NLN: variants seen among roughly 807,000 people sequenced by gnomAD.
The protein encoded by NLN is neurolysin, mitochondrial.
Under a neutral mutation model 79.9 loss-of-function variants are expected in NLN, and 64 were observed. The ratio of observed to expected loss-of-function variants is 0.80; its 90% confidence interval spans 0.65 to 0.99. The LOEUF (loss-of-function observed/expected upper bound fraction) is 0.99, where lower values mean the gene tolerates loss of function less well. NLN is among the 50% of genes least tolerant of loss of function. The pLI is 0.00. For synonymous variants in NLN, 267 were observed against 296.6 expected (o/e 0.90, Z 1.02); for missense variants, 835 against 858.7 (o/e 0.97, Z 0.34).
intron 1 of NLN, among the ~76,000 whole-genome samples, chr5:65,738,135 G>T: frequency 8.0e-6 from 1 of 124,646 alleles, no homozygotes; most frequent in East Asian, 2.8e-4. Flanking sequence ...TCTCACAAAA[G>T]AAAAAAAAAA....
At chr5:65,812,105 A>T (rs568326714) in intron 11 of NLN, 150 bp from the exon 12 acceptor site, 41 of 664,332 alleles carry the variant, frequency 6.2e-5, no homozygotes, top group Non-Finnish European at 9.6e-5. Flanking sequence ...GGCCAAGAGG[A>T]CACATCAGCC....
intron 1 of NLN, chr5:65,722,796 T>A (rs1177421930): frequency 9.7e-6 from 2 of 206,010 alleles, no homozygotes; most frequent in Non-Finnish European, 2.0e-5. Flanking sequence ...TCAGAACAAT[T>A]GTGTTTGCTC....
chr5:65,724,297 T>TC (rs1462351750), intron 1 of NLN, among the ~76,000 whole-genome samples: 1 of 152,178 alleles, frequency 6.6e-6, no homozygotes, highest in Non-Finnish European at 1.5e-5. Flanking sequence ...CATTATTTTT[T>TC]CTCTATGAAT....
intron 7 of NLN, among the ~76,000 whole-genome samples, chr5:65,787,460 G>A (rs969760693): frequency 3.3e-5 from 5 of 152,088 alleles, no homozygotes; most frequent in Non-Finnish European, 5.9e-5. Flanking sequence ...GCAGAGCCAG[G>A]CATGTTTTTA....
At chr5:65,815,031 A>C (rs1009830276) in intron 12 of NLN, among the ~76,000 whole-genome samples, 1 of 152,156 alleles carries the variant, frequency 6.6e-6, no homozygotes, top group African/African-American at 2.4e-5. Context: ...TACATAGTAC[A>C]TAGATTATTT....
chr5:65,759,812 T>C (rs1011996152), intron 2 of NLN, among the ~76,000 whole-genome samples: 7 of 152,222 alleles, frequency 4.6e-5, no homozygotes, highest in Non-Finnish European at 8.8e-5. Flanking sequence ...GAATGTTTAA[T>C]ATATCAGGTG....
intron 7 of NLN, 132 bp from the exon 8 acceptor site, chr5:65,787,986 A>G (rs1446994768): frequency 4.1e-5 from 34 of 837,590 alleles, no homozygotes; most frequent in Non-Finnish European, 4.3e-5. Context: ...CTCCTCCTTT[A>G]CCTCTTTCCG....
intron 1 of NLN, among the ~76,000 whole-genome samples, chr5:65,741,578 C>G (rs1012850250): frequency 1.3e-5 from 2 of 152,238 alleles, no homozygotes; most frequent in South Asian, 4.2e-4. Flanking sequence ...AGAGGAGAGT[C>G]TCTCTCCTGA....
intron 1 of NLN, among the ~76,000 whole-genome samples, chr5:65,731,771 G>C (rs1231283524): frequency 1.6e-5 from 1 of 63,420 alleles, no homozygotes; most frequent in Non-Finnish European, 3.1e-5. Context: ...TTTTTTTTCA[G>C]ACAGAGTCTA....
At position 65,823,802 on chromosome 5, in the gene NLN, A is replaced by G. The variant is rs914839729; in HGVS notation, c.*887A>G. ...CCACGTCCCCAAAAGTGTCAGGTAG[A>G]CATGTCACAAATGGCTCTGTAGAGA... On this transcript the variant is annotated 3_prime_UTR_variant, in exon 13 of 13. Coordinates refer to ENST00000380985, the MANE Select transcript of NLN (RefSeq NM_020726.5). 1 of 152,298 alleles carries G rather than the reference A, an allele frequency of 6.6e-6. No homozygotes were observed. The highest frequency in any genetic ancestry group is 1.5e-5 in the Non-Finnish European group (1 of 68,026). 9.4% of individuals were successfully genotyped at this position (152,298 alleles called of 1,614,324 possible). A position where few individuals can be genotyped will look rare whatever the true frequency, so the allele number is the denominator to read the frequency against.
At chr5:65,761,072 G>C (rs1293491750) in intron 2 of NLN, among the ~76,000 whole-genome samples, 1 of 152,100 alleles carries the variant, frequency 6.6e-6, no homozygotes, top group Non-Finnish European at 1.5e-5. Context: ...TCTAGTGTCA[G>C]GCACTGGGCG....
intron 1 of NLN, among the ~76,000 whole-genome samples, chr5:65,725,502 A>G (rs1027455141): frequency 1.3e-5 from 2 of 152,202 alleles, no homozygotes; most frequent in African/African-American, 2.4e-5. Flanking sequence ...TTAGTGGTTC[A>G]CTGTGTTATA....
At chr5:65,724,509 C>T (rs1296790731) in intron 1 of NLN, among the ~76,000 whole-genome samples, 1 of 152,100 alleles carries the variant, frequency 6.6e-6, no homozygotes, top group Non-Finnish European at 1.5e-5. Flanking sequence ...GGGTTGCTTC[C>T]ACCTTTTGGC....
intron 1 of NLN, among the ~76,000 whole-genome samples, chr5:65,753,955 A>G (rs892190699): frequency 6.6e-6 from 1 of 152,148 alleles, no homozygotes; most frequent in African/African-American, 2.4e-5. Flanking sequence ...CCTGAACTGA[A>G]CATCTTTATT....
chr5:65,804,616 A>C (rs1459356267), intron 9 of NLN, among the ~76,000 whole-genome samples: 6 of 152,080 alleles, frequency 3.9e-5, no homozygotes, highest in African/African-American at 1.2e-4. Flanking sequence ...TGCAACCTCC[A>C]CCTCCTGGGT....
intron 9 of NLN, among the ~76,000 whole-genome samples, chr5:65,800,662 T>TCTTATTTA (rs1561208349): frequency 1.4e-5 from 1 of 69,286 alleles, no homozygotes; most frequent in Non-Finnish European, 3.3e-5. Flanking sequence ...AAGAAAACTC[T>TCTTATTTA]CTTATTTATT....
Position 65,812,428 on chromosome 5 carries a change from G to A in NLN, c.1980+37G>A, listed in dbSNP as rs150673485. 273 of 1,389,238 alleles carry A rather than the reference G, an allele frequency of 2.0e-4. 2 individuals carry two copies. The East Asian group carries it at 6.1e-3, about 31-fold the overall frequency. The allele number at this position is 1,389,238 out of a possible 1,614,324, so 86.1% of individuals were successfully genotyped here. On this transcript the variant is annotated intron_variant, in intron 12 of 12. Transcript: ENST00000380985. ...TTTTTCTCCTTTTATTAATTTTGTA[G>A]TTGCTCCCTCCCCTTTAACTCCTAG... is the stretch of plus-strand genomic sequence containing the variant.
intron 3 of NLN, among the ~76,000 whole-genome samples, chr5:65,771,963 C>A (rs868371192): frequency 3.0e-4 from 41 of 137,748 alleles, no homozygotes; most frequent in Non-Finnish European, 3.9e-4. Context: ...AAAACAATGA[C>A]AAAAAAAAAA....
chr5:65,759,150 T>C (rs1397151983), intron 2 of NLN, among the ~76,000 whole-genome samples: 1 of 152,206 alleles, frequency 6.6e-6, no homozygotes, highest in East Asian at 1.9e-4. Context: ...TATCAATTTA[T>C]GTATAAATAG....
Sources: gnomAD v4.1 joint callset for allele counts (sites outside exome capture counted in the v4.1 genomes callset) on GRCh38, gnomAD v4.1.1 for gene constraint, MANE v1.5 for transcripts, NCBI Gene and HGNC (gene_info 2026-07-23, HGNC 2026-07-21) for gene names.